The following ANAPC10 variants were observed in gnomAD, a reference collection of about 807,000 sequenced individuals.
ANAPC10 encodes the protein anaphase-promoting complex subunit 10.
Under a neutral mutation model 22.0 loss-of-function variants are expected in ANAPC10, and 12 were observed. The observed-to-expected ratio is 0.55, with a 90% CI of 0.35 to 0.88. ANAPC10 has a LOEUF of 0.88. Among genes scored for constraint, ANAPC10 ranks in the 40% least tolerant of loss-of-function variants. The pLI, the probability that ANAPC10 is intolerant of heterozygous loss-of-function variation, is 0.01. For missense variants in ANAPC10, 188 were observed against 220.9 expected, an observed-to-expected ratio of 0.85 and a Z score of 0.94; for synonymous variants, 65 against 69.5, an observed-to-expected ratio of 0.94 and a Z score of 0.32.
intron 1 of ANAPC10, 158 bp downstream of exon 1, chr4:145,097,962 C>G (rs1448867140): frequency 1.1e-5 from 2 of 185,512 alleles, no homozygotes; most frequent in Non-Finnish European, 2.3e-5. Context: ...TCTGTTGGTC[C>G]TACTGACACC....
chr4:145,056,154 T>C (rs1320917203), intron 4 of ANAPC10, among the ~76,000 whole-genome samples: 3 of 152,098 alleles, frequency 2.0e-5, no homozygotes, highest in Non-Finnish European at 4.4e-5. Flanking sequence ...AGTCACCAGA[T>C]GAGATACAAG....
At chr4:145,036,011 G>C (rs1480746041) in intron 4 of ANAPC10, among the ~76,000 whole-genome samples, 1 of 152,052 alleles carries the variant, frequency 6.6e-6, no homozygotes, top group Non-Finnish European at 1.5e-5. Flanking sequence ...TAATCTGTCA[G>C]AGAATTTAGA....
chr4:145,020,412 G>T (rs1011678431), intron 4 of ANAPC10, among the ~76,000 whole-genome samples: 1 of 151,752 alleles, frequency 6.6e-6, no homozygotes, highest in Non-Finnish European at 1.5e-5. Context: ...CAGCAAAATC[G>T]GCATAAAGGA....
chr4:145,016,270 A>C (rs1735116363), intron 4 of ANAPC10, among the ~76,000 whole-genome samples: 1 of 152,226 alleles, frequency 6.6e-6, no homozygotes, highest in Non-Finnish European at 1.5e-5. Context: ...ACTTCAGCAG[A>C]GTCTCAGGAT....
At chr4:145,027,558 A>G (rs1354097059) in intron 4 of ANAPC10, among the ~76,000 whole-genome samples, 1 of 152,194 alleles carries the variant, frequency 6.6e-6, no homozygotes, top group Non-Finnish European at 1.5e-5. Context: ...CATATGCAAT[A>G]AGGCACAGCA....
chr4:145,031,779 C>A (rs1208088450), intron 4 of ANAPC10, among the ~76,000 whole-genome samples: 1 of 152,168 alleles, frequency 6.6e-6, no homozygotes, highest in African/African-American at 2.4e-5. Context: ...CAAGGGCCTG[C>A]CATCTTTTGC....
chr4:145,038,125 A>G (rs1738887072), intron 4 of ANAPC10, among the ~76,000 whole-genome samples: 1 of 152,154 alleles, frequency 6.6e-6, no homozygotes, highest in South Asian at 2.1e-4. Context: ...GCTTGAGGCC[A>G]GAAGTTCCAG....
chr4:145,022,910 C>T (rs1398942613), intron 4 of ANAPC10, among the ~76,000 whole-genome samples: 2 of 151,410 alleles, frequency 1.3e-5, no homozygotes, highest in Non-Finnish European at 2.9e-5. Flanking sequence ...TTTTAGGGTA[C>T]CTGTGCACAA....
Position 145,059,921 on chromosome 4 carries a change from T to C in ANAPC10, c.327+4651A>G, listed in dbSNP as rs34530333. 1.4e-3 allele frequency among the ~76,000 whole-genome samples: 220 copies of C among 152,166 alleles called. 8 individuals carry two copies. In the East Asian group the frequency reaches 0.039, roughly 27 times the overall value. ...AAAAGAACAACATTAAATCAAAACATAATGCTAAAACGCAAGGGATTTAAG... is the reference window on the plus strand; with the variant it reads ...AAAAGAACAACATTAAATCAAAACACAATGCTAAAACGCAAGGGATTTAAG... On this transcript the variant is annotated intron_variant, in intron 4 of 4. Transcript: ENST00000507656.
At chr4:145,026,774 CA>C (rs765625527) in intron 4 of ANAPC10, among the ~76,000 whole-genome samples, 3 of 150,256 alleles carry the variant, frequency 2.0e-5, no homozygotes, top group Middle Eastern at 3.2e-3. Context: ...ATTTAAAAAA[CA>C]AAAACAAAGC....
chr4:145,081,540 A>G (rs1746013138), intron 3 of ANAPC10, 120 bp downstream of exon 3: 1 of 609,988 alleles, frequency 1.6e-6, no homozygotes. Flanking sequence ...ATAAGACTTC[A>G]GAGTTTAAAA....
chr4:145,000,511 T>C (rs539004264), intron 4 of ANAPC10, among the ~76,000 whole-genome samples: 2 of 152,182 alleles, frequency 1.3e-5, no homozygotes, highest in East Asian at 3.9e-4. Context: ...CCATCTCACA[T>C]CAGTTAGAAT....
At chr4:145,048,777 G>GGTT (rs1579031535) in intron 4 of ANAPC10, among the ~76,000 whole-genome samples, 1 of 152,038 alleles carries the variant, frequency 6.6e-6, no homozygotes, top group East Asian at 1.9e-4. Context: ...AACCATTGGA[G>GGTT]GAATAGTCCA....
At chr4:145,064,166 TTGA>T (rs769066940) in intron 4 of ANAPC10, 37 of 152,638 alleles carry the variant, frequency 2.4e-4, no homozygotes, top group Non-Finnish European at 3.8e-4. Context: ...TAAGCAAATG[TTGA>T]TAACTCTACC....
intron 4 of ANAPC10, among the ~76,000 whole-genome samples, chr4:144,997,848 G>A (rs1258566569): frequency 1.3e-5 from 2 of 152,154 alleles, no homozygotes; most frequent in African/African-American, 4.8e-5. Context: ...CTCACGTGCA[G>A]AGACACACAC....
intron 3 of ANAPC10, among the ~76,000 whole-genome samples, chr4:145,065,743 A>G (rs1334642084): frequency 6.6e-6 from 1 of 152,054 alleles, no homozygotes; most frequent in Non-Finnish European, 1.5e-5. Flanking sequence ...ACAGTAGAAA[A>G]AAGATTATAA....
chr4:145,025,293 AC>A (rs1332590247), intron 4 of ANAPC10, among the ~76,000 whole-genome samples: 1 of 151,676 alleles, frequency 6.6e-6, no homozygotes, highest in African/African-American at 2.4e-5. Context: ...TTCCATTAGA[AC>A]AAGAGGTTAG....
At chr4:145,059,660 G>A (rs1471745384) in intron 4 of ANAPC10, among the ~76,000 whole-genome samples, 1 of 152,056 alleles carries the variant, frequency 6.6e-6, no homozygotes, top group Non-Finnish European at 1.5e-5. Flanking sequence ...CTGTCACAGT[G>A]TGTCTAAAAA....
chr4:145,004,350 T>C (rs111564354), intron 4 of ANAPC10, among the ~76,000 whole-genome samples: 2,760 of 152,314 alleles, frequency 0.018, 94 homozygotes, highest in African/African-American at 0.063. Context: ...TCTTGCCTGA[T>C]TGCTCTGGCT....
Sources: allele counts gnomAD v4.1 joint callset (sites outside exome capture counted in the v4.1 genomes callset), GRCh38; gene constraint gnomAD v4.1.1; transcripts MANE v1.5; gene names NCBI Gene and HGNC (gene_info 2026-07-23, HGNC 2026-07-21).